The following ARL8A variants were observed in gnomAD, a reference collection of about 807,000 sequenced individuals.
The protein encoded by ARL8A is ADP-ribosylation factor-like protein 8A.
ARL8A carries 10 observed loss-of-function variants against 31.2 expected under a neutral mutation model. The ratio of observed to expected loss-of-function variants is 0.32; its 90% CI spans 0.20 to 0.54. The LOEUF is 0.54. ARL8A is among the 20% of genes least tolerant of loss of function. The pLI is 0.93. For synonymous variants in ARL8A, 70 were observed against 86.9 expected, an observed-to-expected ratio of 0.81 and a Z score of 1.08; for missense variants, 129 against 242.8, an observed-to-expected ratio of 0.53 and a Z score of 3.12.
At position 202,135,258 on chromosome 1, in the gene ARL8A, A is replaced by G. The variant is rs1654972297; in HGVS notation, c.441-38T>C. 2 of 1,588,454 alleles carry G rather than the reference A, an allele frequency of 1.3e-6. No individual in the cohort carries two copies. On this transcript the variant is annotated intron_variant, in intron 5 of 6. Transcript: ENST00000272217. The surrounding 1 kb of genome is among the most constrained non-coding windows in gnomAD (Gnocchi z 5.3). ...AGAGTAGAGTCCGCTGAGGCTACGA[A>G]CGTCCAGGGGGCCTGGGGCTAGGGG... is the stretch of plus-strand genomic sequence containing the variant.
Position 202,137,972 on chromosome 1 carries a change from C to T in ARL8A, c.271G>A (p.Ala91Thr), listed in dbSNP as rs1023730887. 55 of 1,613,978 alleles carry T rather than the reference C, an allele frequency of 3.4e-5. No individual in the cohort carries two copies. Among genetic ancestry groups the T allele is most frequent in the South Asian group, 4.4e-5 (4 of 91,090 alleles). Residue 91 changes from alanine (A) to threonine (T), a missense_variant, in exon 3 of 7, where the codon GCC (alanine) becomes ACC (threonine). By Grantham distance (58) the Ala-to-Thr change is moderately conservative. Transcript: ENST00000272217. ...TGCCTCCCGTGTACTTACACGATGG[C>T]GCTCACTCCTCGGCAGTAGCGCTCC... is the stretch of plus-strand genomic sequence containing the variant. ...MWERYCRGVS[A>T]IVYMVDAADQ... is the part of the protein sequence containing the mutation.
intron 1 of ARL8A, among the ~76,000 whole-genome samples, chr1:202,142,892 C>G (rs574498745): frequency 6.6e-6 from 1 of 152,246 alleles, no homozygotes; most frequent in South Asian, 2.1e-4. Flanking sequence ...CTAGGCCCAG[C>G]TGCATTTCTC....
Position 202,135,689 on chromosome 1 carries a change from T to C in ARL8A, c.372+18A>G. Reference sequence around the variant, plus strand: ...CAGCCGAGCTCCCTCCCCATCCCGCTCCCTCAGGTCTGCTGACCGGGATGC... The same window carrying C: ...CAGCCGAGCTCCCTCCCCATCCCGCCCCCTCAGGTCTGCTGACCGGGATGC... On this transcript the variant is annotated intron_variant, in intron 4 of 6. Coordinates refer to ENST00000272217, the MANE Select transcript of ARL8A (RefSeq NM_138795.4). The surrounding 1 kb of genome is among the most constrained non-coding windows in gnomAD (Gnocchi z 5.3). 1 of 1,610,866 alleles carries C rather than the reference T, an allele frequency of 6.2e-7. No homozygotes were observed. Among genetic ancestry groups the C allele is most frequent in the Non-Finnish European group, 8.5e-7 (1 of 1,177,154 alleles).
In ARL8A at chr1:202,144,198, C is replaced by A. The variant is rs1484838691; in HGVS notation, c.123+252G>T. Among the ~76,000 whole-genome samples, 1 of 152,062 alleles carries A rather than the reference C, an allele frequency of 6.6e-6. No homozygotes were observed. The highest frequency in any genetic ancestry group is 1.5e-5 in the Non-Finnish European group (1 of 67,974). ...CCCCGTGGCACCGGCCCTGTCTGTTCGTCCCCCTTCCCCTGCCCCCAGCCG... is the reference window on the plus strand; with the variant it reads ...CCCCGTGGCACCGGCCCTGTCTGTTAGTCCCCCTTCCCCTGCCCCCAGCCG... On this transcript the variant is annotated intron_variant, in intron 1 of 6. Coordinates refer to ENST00000272217, the MANE Select transcript of ARL8A (RefSeq NM_138795.4). This position sits in a 1 kb window ranked among gnomAD's most constrained non-coding sequence, Gnocchi z 5.2.
intron 1 of ARL8A, among the ~76,000 whole-genome samples, chr1:202,142,167 G>A (rs1225984380): frequency 2.0e-5 from 3 of 152,230 alleles, no homozygotes; most frequent in Non-Finnish European, 4.4e-5. Flanking sequence ...ATGCCCGGCT[G>A]ATGTTTCAGG....
At position 202,134,279 on chromosome 1, in the gene ARL8A, G is replaced by A. The variant is rs1333519106; in HGVS notation, c.*188C>T. 3.5e-6 allele frequency: 2 copies of A among 578,900 alleles called. No individual in the cohort carries two copies. The highest frequency in any genetic ancestry group is 3.8e-5 in the African/African-American group (2 of 52,862). 35.9% of individuals were successfully genotyped at this position (578,900 alleles called of 1,614,324 possible). On this transcript the variant is annotated 3_prime_UTR_variant, in exon 7 of 7. Transcript: ENST00000272217. The surrounding 1 kb of genome is among the most constrained non-coding windows in gnomAD (Gnocchi z 4.2). The stretch of plus-strand genomic sequence containing the variant: ...TGAGAAGTTAGGGGACCAGAATGGG[G>A]GGCAATTTATTTTACAATAAAAACA...
chr1:202,143,460 G>C (rs1655216906), intron 1 of ARL8A, among the ~76,000 whole-genome samples: 1 of 152,180 alleles, frequency 6.6e-6, no homozygotes, highest in African/African-American at 2.4e-5. Context: ...CCTCAGCTTT[G>C]GGACTGGGGC....
intron 1 of ARL8A, among the ~76,000 whole-genome samples, chr1:202,140,012 A>G (rs577552306): frequency 1.2e-4 from 18 of 152,228 alleles, no homozygotes; most frequent in Admixed American, 7.8e-4. Context: ...GCCTTGGGTT[A>G]CATAAAGAGA....
chr1:202,144,697 C>T lies in ARL8A; in HGVS notation c.-125G>A. ...CCGCGGCTCGGTGCGGGCGGAGGCT[C>T]GAGCGCGGCTGCCGACGACTCGCTG... On this transcript the variant is annotated 5_prime_UTR_variant, in exon 1 of 7. Transcript: ENST00000272217. The surrounding 1 kb of genome is among the most constrained non-coding windows in gnomAD (Gnocchi z 5.2). 1 of 1,003,444 alleles carries T rather than the reference C, an allele frequency of 1.0e-6. No individual in the cohort carries two copies. The highest frequency in any genetic ancestry group is 1.2e-6 in the Non-Finnish European group (1 of 831,186). 62.2% of individuals were successfully genotyped at this position (1,003,444 alleles called of 1,614,324 possible).
intron 1 of ARL8A, among the ~76,000 whole-genome samples, chr1:202,143,220 A>G (rs990367485): frequency 6.6e-6 from 1 of 152,192 alleles, no homozygotes; most frequent in Non-Finnish European, 1.5e-5. Context: ...TTGTGTAACC[A>G]CAGGATGCCC....
chr1:202,135,356 G>GCCAC lies in ARL8A; in HGVS notation c.440+99_440+102dup, dbSNP rs1654977120. On this transcript the variant is annotated intron_variant, in intron 5 of 6. Transcript: ENST00000272217. This position sits in a 1 kb window ranked among gnomAD's most constrained non-coding sequence, Gnocchi z 5.3. ...GGTGCCTGAAAAGGTCGGCTCTGCT[G>GCCAC]CCACCGTGTGGCTAATACTAAGAAC... The GCCAC allele has an allele frequency of 1.3e-6, 2 of 1,503,206 alleles. No individual in the cohort carries two copies. Among genetic ancestry groups the GCCAC allele is most frequent in the East Asian group, 4.5e-5 (2 of 44,210 alleles). 93.1% of individuals were successfully genotyped at this position (1,503,206 alleles called of 1,614,324 possible).
chr1:202,137,170 T>G (rs1463753429), intron 3 of ARL8A, among the ~76,000 whole-genome samples: 1 of 151,952 alleles, frequency 6.6e-6, no homozygotes, highest in African/African-American at 2.4e-5. Context: ...CCCTGCCATT[T>G]TTCAATGTTT....
At chr1:202,143,866 G>A (rs1232865419) in intron 1 of ARL8A, among the ~76,000 whole-genome samples, 1 of 152,214 alleles carries the variant, frequency 6.6e-6, no homozygotes, top group Non-Finnish European at 1.5e-5. Context: ...AGAAGTTGGG[G>A]AGGAGTCTGG....
chr1:202,136,318 T>C (rs557005165), intron 3 of ARL8A, among the ~76,000 whole-genome samples: 3 of 152,328 alleles, frequency 2.0e-5, no homozygotes, highest in African/African-American at 7.2e-5. Flanking sequence ...TCTCGCTCTG[T>C]TGCCAGGCTG....
rs1176666496 is a variant in ARL8A, at chr1:202,144,259, G to T, written c.123+191C>A. Reference sequence around the variant, plus strand: ...GCCCGGGTGAGAGAGCGGGTCGCGCGCCGCCCCGGTCCCCCACGGCACGGG... The same window carrying T: ...GCCCGGGTGAGAGAGCGGGTCGCGCTCCGCCCCGGTCCCCCACGGCACGGG... On this transcript the variant is annotated intron_variant, in intron 1 of 6. Transcript: ENST00000272217. This position sits in a 1 kb window ranked among gnomAD's most constrained non-coding sequence, Gnocchi z 5.2. Among the ~76,000 whole-genome samples, 1 of 151,868 alleles carries T rather than the reference G, an allele frequency of 6.6e-6. No homozygotes were observed. Among genetic ancestry groups the T allele is most frequent in the South Asian group, 2.1e-4 (1 of 4,836 alleles).
intron 1 of ARL8A, among the ~76,000 whole-genome samples, chr1:202,143,044 CT>C (rs989941124): frequency 5.3e-5 from 8 of 152,056 alleles, no homozygotes; most frequent in Non-Finnish European, 1.0e-4. Flanking sequence ...AGGGCAGAGC[CT>C]AGGCAGACAG....
At chr1:202,140,296 A>ATTTTTTTTT (rs77654638) in intron 1 of ARL8A, among the ~76,000 whole-genome samples, 4 of 137,662 alleles carry the variant, frequency 2.9e-5, no homozygotes, top group Non-Finnish European at 1.5e-5. Context: ...TGCCTAGCTA[A>ATTTTTTTTT]TTTTTTTTTT....
chr1:202,143,615 A>AT (rs1277410917), intron 1 of ARL8A, among the ~76,000 whole-genome samples: 1 of 152,034 alleles, frequency 6.6e-6, no homozygotes, highest in Non-Finnish European at 1.5e-5. Flanking sequence ...TTTGAGAGAG[A>AT]TTTTAACTCC....
Position 202,144,721 on chromosome 1 carries a change from T to TGCCCCGGAATCGGCTCGCC in ARL8A, c.-150_-149insGGCGAGCCGATTCCGGGGC, listed in dbSNP as rs1438324405. 1 of 851,038 alleles carries TGCCCCGGAATCGGCTCGCC rather than the reference T, an allele frequency of 1.2e-6. No individual in the cohort carries two copies. Among genetic ancestry groups the TGCCCCGGAATCGGCTCGCC allele is most frequent in the African/African-American group, 1.8e-5 (1 of 54,382 alleles). The allele number at this position is 851,038 out of a possible 1,614,324, so 52.7% of individuals were successfully genotyped here. On this transcript the variant is annotated 5_prime_UTR_variant, in exon 1 of 7. Transcript: ENST00000272217. This position sits in a 1 kb window ranked among gnomAD's most constrained non-coding sequence, Gnocchi z 5.2. ...TCGAGCGCGGCTGCCGACGACTCGC[T>TGCCCCGGAATCGGCTCGCC]GCCCCGGAATCGGCTCGCCGATGGG...
Sources: gnomAD v4.1 joint callset for allele counts (sites outside exome capture counted in the v4.1 genomes callset) on GRCh38, gnomAD v4.1.1 for gene constraint, Gnocchi (gnomAD v3.1) non-coding constraint, MANE v1.5 for transcripts, NCBI Gene and HGNC (gene_info 2026-07-23, HGNC 2026-07-21) for gene names.